Variants in KRABD2 observed in about 807,000 individuals in gnomAD.
The protein encoded by KRABD2 is KRAB domain-containing protein 2.
At chr17:8,363,842 T>C in the KRABD2 span, among the ~76,000 whole-genome samples, 32 of 80,886 alleles carry the variant, frequency 4.0e-4, 1 homozygote, top group African/African-American at 1.5e-3. Context: ...TATATATATA[T>C]ATATATATAT....
the KRABD2 span, chr17:8,369,597 T>C: frequency 2.0e-5 from 33 of 1,614,118 alleles, no homozygotes; most frequent in Admixed American, 2.2e-4. Flanking sequence ...CCACAACTCA[T>C]TGAGCTCATG....
At chr17:8,367,875 T>C in the KRABD2 span, among the ~76,000 whole-genome samples, 1 of 150,202 alleles carries the variant, frequency 6.7e-6, no homozygotes, top group Non-Finnish European at 1.5e-5. Context: ...CCCTCCACTA[T>C]TGTCCTGTGA....
chr17:8,365,436 A>C, the KRABD2 span: 1 of 152,366 alleles, frequency 6.6e-6, no homozygotes, highest in Non-Finnish European at 1.5e-5. Context: ...AATGGGTTGG[A>C]AGGAGGATGG....
chr17:8,373,086 A>T, the KRABD2 span, among the ~76,000 whole-genome samples: 1 of 152,134 alleles, frequency 6.6e-6, no homozygotes, highest in African/African-American at 2.4e-5. Context: ...GATTTTAAAA[A>T]AATTTGTCTC....
the KRABD2 span, chr17:8,365,799 T>C: frequency 6.6e-6 from 1 of 152,200 alleles, no homozygotes; most frequent in Non-Finnish European, 1.5e-5. Context: ...GGGTCTTAGA[T>C]AGCTCTGGGA....
At chr17:8,374,145 G>C in the KRABD2 span, among the ~76,000 whole-genome samples, 1 of 152,264 alleles carries the variant, frequency 6.6e-6, no homozygotes, top group African/African-American at 2.4e-5. Context: ...GCTCATTGAG[G>C]ACGGGCCATG....
chr17:8,360,222 A>T, the KRABD2 span, among the ~76,000 whole-genome samples: 1 of 152,254 alleles, frequency 6.6e-6, no homozygotes, highest in Non-Finnish European at 1.5e-5. Context: ...GGGAAGCAAA[A>T]AGCAAAATAT....
At chr17:8,364,508 A>G in the KRABD2 span, among the ~76,000 whole-genome samples, 42 of 152,294 alleles carry the variant, frequency 2.8e-4, no homozygotes, top group African/African-American at 9.9e-4. This position sits in a 1 kb window ranked among gnomAD's most constrained non-coding sequence, Gnocchi z 4.4. Context: ...ACATGGCACC[A>G]TGCCCCGCAG....
chr17:8,373,949 T>C, the KRABD2 span: 1 of 159,318 alleles, frequency 6.3e-6, no homozygotes. Flanking sequence ...CCGCCCCGTC[T>C]GGGAAGTGAG....
At chr17:8,373,141 CTCTCCCTCTCTCCG>C in the KRABD2 span, among the ~76,000 whole-genome samples, 48 of 97,984 alleles carry the variant, frequency 4.9e-4, no homozygotes, top group African/African-American at 1.0e-3. Context: ...CCCTCTCCCT[CTCTCCCTCTCTCCG>C]TCTCCGTCTC....
At chr17:8,360,857 C>T in the KRABD2 span, among the ~76,000 whole-genome samples, 1 of 152,152 alleles carries the variant, frequency 6.6e-6, no homozygotes, top group Non-Finnish European at 1.5e-5. Flanking sequence ...CGGGCTCATG[C>T]ACTGATTGAA....
At chr17:8,361,698 C>A in the KRABD2 span, among the ~76,000 whole-genome samples, 4,600 of 152,238 alleles carry the variant, frequency 0.03, 231 homozygotes, top group African/African-American at 0.1. Flanking sequence ...GCTGGGCCTA[C>A]AGTGTGAGCC....
At chr17:8,376,001 A>G in the KRABD2 span, 1 of 1,231,458 alleles carries the variant, frequency 8.1e-7, no homozygotes, top group African/African-American at 1.6e-5. Flanking sequence ...CGTATTCAGT[A>G]ACTTTAGCTG....
At chr17:8,372,913 GA>G in the KRABD2 span, among the ~76,000 whole-genome samples, 3 of 151,510 alleles carry the variant, frequency 2.0e-5, no homozygotes, top group Non-Finnish European at 2.9e-5. The surrounding 1 kb of genome is among the most constrained non-coding windows in gnomAD (Gnocchi z 4.1). Context: ...ATAAAAAAAA[GA>G]AAAAAAAGAA....
At chr17:8,374,773 C>T in the KRABD2 span, among the ~76,000 whole-genome samples, 8 of 150,198 alleles carry the variant, frequency 5.3e-5, no homozygotes, top group Admixed American at 2.0e-4. Context: ...GAGGAAACCC[C>T]GTCTCTACCA....
the KRABD2 span, among the ~76,000 whole-genome samples, chr17:8,375,370 G>A: frequency 1.2e-4 from 18 of 152,218 alleles, no homozygotes; most frequent in East Asian, 3.8e-4. Context: ...ATTGCTGCCT[G>A]GCAATAACTG....
At chr17:8,365,923 C>T in the KRABD2 span, among the ~76,000 whole-genome samples, 3 of 151,942 alleles carry the variant, frequency 2.0e-5, no homozygotes, top group Non-Finnish European at 4.4e-5. Context: ...GTCAGGCATT[C>T]GAGACCAGCC....
chr17:8,362,440 C>T, the KRABD2 span, among the ~76,000 whole-genome samples: 4 of 152,092 alleles, frequency 2.6e-5, no homozygotes, highest in African/African-American at 9.7e-5. The surrounding 1 kb of genome is among the most constrained non-coding windows in gnomAD (Gnocchi z 4.2). Flanking sequence ...GGAAGATTCA[C>T]TAGGTGGGTT....
chr17:8,371,507 C>A, the KRABD2 span: 2 of 1,604,750 alleles, frequency 1.2e-6, no homozygotes, highest in Non-Finnish European at 1.7e-6. Flanking sequence ...GGGGAAGAGA[C>A]AAGAGAGGGC....
Sources: gnomAD v4.1 joint callset for allele counts (sites outside exome capture counted in the v4.1 genomes callset) on GRCh38, gnomAD v4.1.1 for gene constraint, Gnocchi (gnomAD v3.1) non-coding constraint, MANE v1.5 for transcripts, NCBI Gene and HGNC (gene_info 2026-07-23, HGNC 2026-07-21) for gene names.